The following ATRX variants were observed in gnomAD, a reference collection of about 807,000 sequenced individuals.
The protein encoded by ATRX is ATRX chromatin remodeler.
In ATRX, 12 loss-of-function variants were observed where a neutral mutation model predicts 172.6. The ratio of observed to expected loss-of-function variants is 0.07; its 90% confidence interval spans 0.04 to 0.11. The LOEUF (loss-of-function observed/expected upper bound fraction) is 0.11. ATRX is among the 10% of genes least tolerant of loss of function. ATRX has a pLI of 1.00. For missense variants in ATRX, 1,368 were observed against 1,767.4 expected (o/e 0.77, Z 4.05); for synonymous variants, 674 against 594.7 (o/e 1.13, Z -1.94).
chrX:77,691,221 T>C (rs2071869471), intron 6 of ATRX: 1 of 112,143 alleles, frequency 8.9e-6, no homozygotes, highest in South Asian at 3.6e-4. Flanking sequence ...AATATAATCA[T>C]TACCTGTGGG....
intron 2 of ATRX, among the ~76,000 whole-genome samples, chrX:77,714,261 C>T (rs1344876813): frequency 2.7e-5 from 3 of 111,223 alleles, no homozygotes; most frequent in Non-Finnish European, 5.7e-5. Context: ...GATTTTTCTA[C>T]AGTCTCCAGA....
intron 30 of ATRX, among the ~76,000 whole-genome samples, chrX:77,531,447 T>C (rs1207371135): frequency 7.1e-5 from 8 of 112,092 alleles, no homozygotes; most frequent in African/African-American, 2.6e-4. Flanking sequence ...CAAGATGGCG[T>C]CATCCCTGGA....
intron 1 of ATRX, among the ~76,000 whole-genome samples, chrX:77,730,665 A>C (rs2074259807): frequency 8.9e-6 from 1 of 112,280 alleles, no homozygotes; most frequent in Non-Finnish European, 1.9e-5. Context: ...TAAAACTAGA[A>C]ATCAATAATG....
intron 9 of ATRX, 100 bp from the exon 10 acceptor site, chrX:77,676,398 A>G: frequency 1.4e-6 from 1 of 722,534 alleles, no homozygotes; most frequent in South Asian, 2.3e-5. Context: ...AAGCAAACTA[A>G]GTGGGGTCTA....
chrX:77,546,988 G>C, intron 30 of ATRX, among the ~76,000 whole-genome samples: 1 of 111,977 alleles, frequency 8.9e-6, no homozygotes, highest in East Asian at 2.8e-4. Context: ...ATTGGGGATA[G>C]AGTGATGAAG....
At chrX:77,605,067 T>C (rs1457585977) in intron 22 of ATRX, among the ~76,000 whole-genome samples, 1 of 112,115 alleles carries the variant, frequency 8.9e-6, no homozygotes, top group East Asian at 2.8e-4. Flanking sequence ...ATTCTGTGTA[T>C]ACACTAAAAG....
chrX:77,633,669 T>C lies in ATRX; in HGVS notation c.4853A>G (p.Asp1618Gly). Residue 1618 changes from aspartate to glycine, a missense_variant, in exon 18 of 35, where the codon GAT (aspartate) becomes GGT (glycine). Transcript: ENST00000373344. Reference protein sequence around the residue: ...LHTVLLCDKLDFSTALVVCPL... With the variant: ...LHTVLLCDKLGFSTALVVCPL... ...ACAAACCACTAACGCCGTGCTGAAATCCAGTTTGTCACACAAAAGAACTGT... is the reference window on the plus strand; with the variant it reads ...ACAAACCACTAACGCCGTGCTGAAACCCAGTTTGTCACACAAAAGAACTGT... 1 of 1,210,398 alleles carries C rather than the reference T, an allele frequency of 8.3e-7. No individual in the cohort carries two copies. Among genetic ancestry groups the C allele is most frequent in the East Asian group, 3.0e-5 (1 of 33,830 alleles).
intron 30 of ATRX, among the ~76,000 whole-genome samples, chrX:77,550,349 G>C (rs781844931): frequency 4.5e-5 from 5 of 112,169 alleles, no homozygotes; most frequent in Non-Finnish European, 7.5e-5. Context: ...CATATAAACA[G>C]AAGCAAAGAC....
chrX:77,565,378 A>C (rs2065161955), intron 28 of ATRX, among the ~76,000 whole-genome samples: 1 of 112,336 alleles, frequency 8.9e-6, no homozygotes, highest in Non-Finnish European at 1.9e-5. Flanking sequence ...AAAAATCTCA[A>C]GTTCAACGAG....
chrX:77,633,115 T>C (rs1274242790), intron 19 of ATRX, 92 bp downstream of exon 19: 5 of 918,316 alleles, frequency 5.4e-6, no homozygotes, highest in Non-Finnish European at 7.9e-6. Context: ...AAAGACCAGA[T>C]ACTTAGTAGC....
intron 25 of ATRX, among the ~76,000 whole-genome samples, chrX:77,597,464 A>C (rs955452428): frequency 2.7e-5 from 3 of 111,285 alleles, no homozygotes; most frequent in African/African-American, 6.5e-5. Context: ...AACAAACAAA[A>C]AAACAAAAAC....
intron 30 of ATRX, among the ~76,000 whole-genome samples, chrX:77,528,758 C>T (rs1557045072): frequency 8.9e-6 from 1 of 112,039 alleles, no homozygotes; most frequent in African/African-American, 3.2e-5. Context: ...CTTTTCTTCT[C>T]CAAATGACTG....
At chrX:77,723,403 T>C (rs1051132074) in intron 1 of ATRX, among the ~76,000 whole-genome samples, 9 of 111,794 alleles carry the variant, frequency 8.1e-5, no homozygotes, top group African/African-American at 2.3e-4. Flanking sequence ...TGTATTTAGT[T>C]AAGAATAGCT....
chrX:77,700,224 G>A (rs189543707), intron 2 of ATRX, among the ~76,000 whole-genome samples: 3 of 111,673 alleles, frequency 2.7e-5, no homozygotes, highest in East Asian at 5.6e-4. Flanking sequence ...ATATACAGAC[G>A]CAAATAAGCA....
rs782715802 is a variant in ATRX at position 77,682,946 on chromosome X, C to A, written c.2310G>T (p.Gln770His). ...TTTTTCCTTTATCATCTTTCCCCGC[C>A]TGAGTCTTTAAATCATACAAAGTCT... ...NHKTLYDLKTQAGKDDKGKRK... is the reference protein window; with the variant it reads ...NHKTLYDLKTHAGKDDKGKRK... Residue 770 changes from glutamine to histidine, a missense_variant, in exon 9 of 35, where the codon CAG (glutamine) becomes CAT (histidine). By Grantham distance (24) the Gln-to-His change is conservative (BLOSUM62 0). This residue lies in a region of ATRX where 843 missense variants were observed against 643.1 expected (regional missense o/e 1.31). Coordinates refer to ENST00000373344, the MANE Select transcript of ATRX (RefSeq NM_000489.6). 8.3e-7 allele frequency: 1 copy of A among 1,210,507 alleles called. No homozygotes were observed. The highest frequency in any genetic ancestry group is 1.1e-6 in the Non-Finnish European group (1 of 894,830).
At chrX:77,659,293 A>T (rs1557121238) in intron 12 of ATRX, among the ~76,000 whole-genome samples, 2 of 111,159 alleles carry the variant, frequency 1.8e-5, no homozygotes, top group Non-Finnish European at 3.8e-5. Context: ...AAAAACACAC[A>T]CACTGACACA....
chrX:77,778,501 T>A (rs1187589446), intron 1 of ATRX, among the ~76,000 whole-genome samples: 2 of 108,379 alleles, frequency 1.8e-5, no homozygotes, highest in African/African-American at 6.7e-5. Flanking sequence ...GGCGGGCGGA[T>A]CATGAGGTCA....
intron 1 of ATRX, 124 bp from the exon 2 acceptor site, chrX:77,717,367 G>T: frequency 1.9e-6 from 1 of 540,472 alleles, no homozygotes; most frequent in Non-Finnish European, 3.1e-6. Flanking sequence ...CACATTCAAA[G>T]TAAAAACTAA....
intron 1 of ATRX, among the ~76,000 whole-genome samples, chrX:77,743,001 G>C (rs1164168631): frequency 2.7e-5 from 3 of 111,108 alleles, no homozygotes; most frequent in African/African-American, 9.8e-5. Context: ...GGGAAACTTG[G>C]GCTGCTGTTT....
Sources: allele counts gnomAD v4.1 joint callset (sites outside exome capture counted in the v4.1 genomes callset), GRCh38; gene constraint gnomAD v4.1.1; regional missense constraint gnomAD v4.1.1; transcripts MANE v1.5; gene names NCBI Gene and HGNC (gene_info 2026-07-23, HGNC 2026-07-21).